SLC35F3: variants seen among roughly 807,000 people sequenced by gnomAD.
SLC35F3 encodes the protein solute carrier family 35 member F3.
In SLC35F3, 25 loss-of-function variants were observed where a neutral mutation model predicts 49.9. The observed-to-expected ratio is 0.50, with a 90% CI of 0.37 to 0.70. SLC35F3 has a LOEUF of 0.70. SLC35F3 is among the 30% of genes least tolerant of loss of function. The pLI is 0.00. For missense variants in SLC35F3, 525 were observed against 639.8 expected (o/e 0.82, Z 1.94); for synonymous variants, 275 against 265.4 (o/e 1.04, Z -0.35).
At chr1:234,155,364 T>A (rs568911966) in intron 2 of SLC35F3, among the ~76,000 whole-genome samples, 1 of 148,810 alleles carries the variant, frequency 6.7e-6, no homozygotes, top group South Asian at 2.1e-4. Context: ...TAAACTTCCA[T>A]GTCCTTCTAA....
At chr1:234,194,821 A>T (rs1336354835) in intron 2 of SLC35F3, among the ~76,000 whole-genome samples, 1 of 151,920 alleles carries the variant, frequency 6.6e-6, no homozygotes, top group Non-Finnish European at 1.5e-5. Flanking sequence ...GGAATATTCC[A>T]ATTCAAACAT....
intron 2 of SLC35F3, among the ~76,000 whole-genome samples, chr1:233,954,173 A>AT (rs992806981): frequency 2.0e-5 from 3 of 152,140 alleles, no homozygotes; most frequent in South Asian, 2.1e-4. Flanking sequence ...CACCTGGGTA[A>AT]TTTTTTGTAT....
intron 2 of SLC35F3, among the ~76,000 whole-genome samples, chr1:234,001,624 C>T (rs146429230): frequency 1.3e-5 from 2 of 152,206 alleles, no homozygotes; most frequent in African/African-American, 4.8e-5. Flanking sequence ...ACAGAAGTGA[C>T]CAGGGGTATT....
chr1:234,186,161 G>C (rs764328715), intron 2 of SLC35F3, among the ~76,000 whole-genome samples: 2 of 152,194 alleles, frequency 1.3e-5, no homozygotes, highest in Non-Finnish European at 2.9e-5. Flanking sequence ...GCAGGGCGCA[G>C]ATTGACTAAG....
intron 4 of SLC35F3, among the ~76,000 whole-genome samples, chr1:234,309,597 C>A (rs1038541976): frequency 6.6e-6 from 1 of 152,236 alleles, no homozygotes; most frequent in Non-Finnish European, 1.5e-5. Context: ...CAGTCGGGGA[C>A]CCAGCCTGGG....
chr1:234,231,433 G>T lies in SLC35F3; in HGVS notation c.300G>T (p.Arg100=). 6.3e-7 allele frequency: 1 copy of T among 1,581,654 alleles called. No homozygotes were observed. ...AASCKREERP[R]DSPGPAEAQA... The stretch of plus-strand genomic sequence containing the variant: ...CTTCCCCAGGGGAGGAGCGCCCCCG[G>T]GACTCCCCGGGCCCGGCGGAGGCCC... Residue 100 remains arginine, a synonymous_variant, in exon 3 of 8, where the codon CGG becomes CGT. Transcript: ENST00000366618. The surrounding 1 kb of genome is among the most constrained non-coding windows in gnomAD (Gnocchi z 5.4).
chr1:233,970,448 G>A (rs1662974363), intron 2 of SLC35F3, among the ~76,000 whole-genome samples: 2 of 152,136 alleles, frequency 1.3e-5, no homozygotes, highest in Admixed American at 1.3e-4. Flanking sequence ...AAGATTTGAG[G>A]GCTTTTGAAT....
At chr1:234,176,844 TGG>T in intron 2 of SLC35F3, among the ~76,000 whole-genome samples, 1 of 152,236 alleles carries the variant, frequency 6.6e-6, no homozygotes, top group Non-Finnish European at 1.5e-5. Context: ...TGATACTTTC[TGG>T]ACTACTATAA....
intron 2 of SLC35F3, among the ~76,000 whole-genome samples, chr1:234,067,826 G>A (rs1413059666): frequency 2.6e-5 from 4 of 152,220 alleles, no homozygotes; most frequent in Admixed American, 2.6e-4. Flanking sequence ...CACAGAGTGA[G>A]GAGCAAATGA....
intron 2 of SLC35F3, among the ~76,000 whole-genome samples, chr1:234,041,222 TTAAG>T (rs1234030823): frequency 1.3e-5 from 2 of 152,132 alleles, no homozygotes; most frequent in Non-Finnish European, 2.9e-5. Context: ...GCTTAACACA[TTAAG>T]TGTTTGTTTC....
chr1:234,186,062 A>C (rs1474482452), intron 2 of SLC35F3, among the ~76,000 whole-genome samples: 3 of 152,230 alleles, frequency 2.0e-5, no homozygotes, highest in Non-Finnish European at 4.4e-5. Context: ...TAACAGAGAT[A>C]GAAACAGGCA....
intron 2 of SLC35F3, among the ~76,000 whole-genome samples, chr1:234,142,515 A>G (rs913653540): frequency 7.9e-5 from 12 of 152,196 alleles, no homozygotes; most frequent in Non-Finnish European, 1.5e-4. Context: ...GCCTGTTGGA[A>G]TTAGACGTTA....
At chr1:233,919,046 A>T (rs1291356188) in intron 2 of SLC35F3, among the ~76,000 whole-genome samples, 3 of 152,162 alleles carry the variant, frequency 2.0e-5, no homozygotes, top group Admixed American at 6.5e-5. Flanking sequence ...CTATATATAT[A>T]TGTTCATGGG....
At chr1:234,162,380 GCAAAAAAA>G (rs1230525344) in intron 2 of SLC35F3, among the ~76,000 whole-genome samples, 1 of 48,690 alleles carries the variant, frequency 2.1e-5, no homozygotes, top group African/African-American at 1.2e-4. Flanking sequence ...AAGCCTCTGT[GCAAAAAAA>G]AAAAAAAAAA....
chr1:234,076,230 T>C (rs1664789537), intron 2 of SLC35F3, among the ~76,000 whole-genome samples: 1 of 151,960 alleles, frequency 6.6e-6, no homozygotes, highest in Admixed American at 6.5e-5. Context: ...CAATACATTT[T>C]AAACGTATTA....
At chr1:233,964,551 A>G (rs1452310493) in intron 2 of SLC35F3, among the ~76,000 whole-genome samples, 1 of 152,260 alleles carries the variant, frequency 6.6e-6, no homozygotes, top group Non-Finnish European at 1.5e-5. Flanking sequence ...TCAAGAATCC[A>G]GTACATGCTG....
rs371584765 is a variant in SLC35F3, at chr1:234,280,716, A to G, written c.609-28385A>G. Reference sequence around the variant, plus strand: ...CACGTGCTGGTGTGGTACTAAGCACATGTGCGTACTCTATCTCACTTCCAC... The same window carrying G: ...CACGTGCTGGTGTGGTACTAAGCACGTGTGCGTACTCTATCTCACTTCCAC... On this transcript the variant is annotated intron_variant, in intron 3 of 7. Coordinates refer to ENST00000366618, the MANE Select transcript of SLC35F3 (RefSeq NM_173508.4). 2.6e-5 allele frequency among the ~76,000 whole-genome samples: 4 copies of G among 152,324 alleles called. No homozygotes were observed. In the East Asian group the frequency reaches 5.8e-4, roughly 22 times the overall value.
chr1:233,999,954 A>C (rs1349399929), intron 2 of SLC35F3, among the ~76,000 whole-genome samples: 1 of 152,188 alleles, frequency 6.6e-6, no homozygotes. Flanking sequence ...CTTTAAAGCA[A>C]AGTCCTTTTA....
chr1:233,925,033 G>A (rs1415589851), intron 2 of SLC35F3, among the ~76,000 whole-genome samples: 1 of 152,182 alleles, frequency 6.6e-6, no homozygotes, highest in Non-Finnish European at 1.5e-5. Context: ...TACATTTGCT[G>A]AGGAGTGCTT....
Sources: gnomAD v4.1 joint callset for allele counts (sites outside exome capture counted in the v4.1 genomes callset) on GRCh38, gnomAD v4.1.1 for gene constraint, Gnocchi (gnomAD v3.1) non-coding constraint, MANE v1.5 for transcripts, NCBI Gene and HGNC (gene_info 2026-07-23, HGNC 2026-07-21) for gene names.